The following PIK3CA variants were observed in gnomAD, a reference collection of about 807,000 sequenced individuals.
The protein encoded by PIK3CA is phosphatidylinositol-4,5-bisphosphate 3-kinase catalytic subunit alpha, also known as phosphatidylinositol 4,5-bisphosphate 3-kinase catalytic subunit alpha isoform.
Under a neutral mutation model 138.2 loss-of-function variants are expected in PIK3CA, and 27 were observed. That is an observed-to-expected ratio of 0.20 (90% CI 0.14 to 0.27). The LOEUF is 0.27. PIK3CA is among the 10% of genes least tolerant of loss of function. The pLI is 1.00. For synonymous variants in PIK3CA, 358 were observed against 413.2 expected (o/e 0.87, Z 1.62); for missense variants, 544 against 1,277.4 (o/e 0.43, Z 8.75).
intron 1 of PIK3CA, among the ~76,000 whole-genome samples, chr3:179,152,089 TGTA>T (rs1270087973): frequency 1.3e-5 from 2 of 152,204 alleles, no homozygotes; most frequent in East Asian, 3.8e-4. Flanking sequence ...CTTTAAAACA[TGTA>T]GTGATTCATA....
chr3:179,192,553 C>T (rs1451403081), intron 1 of PIK3CA, among the ~76,000 whole-genome samples: 3 of 152,216 alleles, frequency 2.0e-5, no homozygotes, highest in Admixed American at 6.5e-5. Context: ...CCACTGGGCA[C>T]TTATGCGGTT....
intron 9 of PIK3CA, among the ~76,000 whole-genome samples, chr3:179,217,671 C>T (rs1487536312): frequency 1.3e-5 from 2 of 151,956 alleles, no homozygotes; most frequent in South Asian, 2.1e-4. Context: ...TATTATTTTT[C>T]GTTTTCTAAT....
intron 1 of PIK3CA, among the ~76,000 whole-genome samples, chr3:179,157,733 T>C (rs1723175633): frequency 6.6e-6 from 1 of 152,132 alleles, no homozygotes; most frequent in Non-Finnish European, 1.5e-5. Context: ...ATGGTCGATG[T>C]ACTTAGACTT....
chr3:179,221,226 T>C, intron 14 of PIK3CA, 69 bp downstream of exon 14: 1 of 1,022,090 alleles, frequency 9.8e-7, no homozygotes. Flanking sequence ...AGAAGCCCAG[T>C]GTATATACAG....
chr3:179,198,067 C>T (rs533805367), intron 1 of PIK3CA, among the ~76,000 whole-genome samples: 1 of 152,276 alleles, frequency 6.6e-6, no homozygotes, highest in East Asian at 1.9e-4. Context: ...CATCGTCATA[C>T]TTCAAGGAAA....
chr3:179,226,874 C>T (rs769299503), intron 17 of PIK3CA, among the ~76,000 whole-genome samples: 7 of 152,194 alleles, frequency 4.6e-5, no homozygotes, highest in Non-Finnish European at 5.9e-5. Context: ...ACTCCTGATA[C>T]GTAGCTTAAC....
chr3:179,185,084 C>T (rs1418897288), intron 1 of PIK3CA, among the ~76,000 whole-genome samples: 2 of 152,182 alleles, frequency 1.3e-5, no homozygotes, highest in Non-Finnish European at 2.9e-5. Context: ...AAGTTATCCA[C>T]TCTCACCCAT....
chr3:179,175,187 A>G (rs941620583), intron 1 of PIK3CA, among the ~76,000 whole-genome samples: 1 of 152,156 alleles, frequency 6.6e-6, no homozygotes, highest in Non-Finnish European at 1.5e-5. Context: ...TTGAAGAGAG[A>G]TAACTGGGAG....
rs1418803273 is a variant in PIK3CA, at chr3:179,220,688, T to A, written c.2016-298T>A. Among the ~76,000 whole-genome samples the A allele has an allele frequency of 6.6e-6, 1 of 152,178 alleles. No individual in the cohort carries two copies. The highest frequency in any genetic ancestry group is 2.4e-5 in the African/African-American group (1 of 41,450). On this transcript the variant is annotated intron_variant, in intron 13 of 20. Transcript: ENST00000263967. The surrounding 1 kb of genome is among the most constrained non-coding windows in gnomAD (Gnocchi z 4.1). ...TTTGTTCCCTCCCTCTTCATTTGAT[T>A]ATTTTTGTGCTCAATTTCCTTTTTT...
intron 1 of PIK3CA, among the ~76,000 whole-genome samples, chr3:179,151,217 G>T (rs1158565396): frequency 6.6e-6 from 1 of 152,170 alleles, no homozygotes; most frequent in African/African-American, 2.4e-5. Context: ...CAGTGCCGTA[G>T]ACAGAGTGGT....
At chr3:179,223,093 A>G (rs545563884) in intron 14 of PIK3CA, among the ~76,000 whole-genome samples, 8 of 152,354 alleles carry the variant, frequency 5.3e-5, no homozygotes, top group African/African-American at 1.7e-4. Context: ...TTTTGTTGTA[A>G]CAATGAGTGA....
At chr3:179,231,630 CTTTTT>C (rs144349648) in intron 20 of PIK3CA, among the ~76,000 whole-genome samples, 1 of 50,416 alleles carries the variant, frequency 2.0e-5, no homozygotes, top group Admixed American at 2.5e-4. Context: ...CCTTAGCCCA[CTTTTT>C]TTTTTTTTTT....
At chr3:179,204,685 A>C in intron 6 of PIK3CA, 97 bp downstream of exon 6, 1 of 595,906 alleles carries the variant, frequency 1.7e-6, no homozygotes, top group South Asian at 2.3e-5. Flanking sequence ...AGCCTGGGCA[A>C]CAAAGCAAGA....
intron 1 of PIK3CA, among the ~76,000 whole-genome samples, chr3:179,197,716 T>A (rs1282694468): frequency 6.6e-6 from 1 of 152,226 alleles, no homozygotes; most frequent in African/African-American, 2.4e-5. Flanking sequence ...TGTCTCTAGC[T>A]TAACTTTCAT....
intron 9 of PIK3CA, among the ~76,000 whole-genome samples, chr3:179,215,959 G>T (rs1217713258): frequency 1.3e-5 from 2 of 152,098 alleles, no homozygotes; most frequent in Non-Finnish European, 2.9e-5. Context: ...AGGATGTTTA[G>T]CATCCCTGTC....
chr3:179,226,159 G>A lies in PIK3CA; in HGVS notation c.2495+119G>A, dbSNP rs143486477. 197 of 572,872 alleles carry A rather than the reference G, an allele frequency of 3.4e-4. 2 individuals are homozygous for A. The East Asian group carries it at 5.4e-3, about 16-fold the overall frequency. 35.5% of individuals were successfully genotyped at this position (572,872 alleles called of 1,614,324 possible). ...AAAGAAATGTATGCAGTAATTATCA[G>A]TAGTTGATTACACTATAGTACTTTG... On this transcript the variant is annotated intron_variant, in intron 17 of 20. Coordinates refer to ENST00000263967, the MANE Select transcript of PIK3CA (RefSeq NM_006218.4).
At chr3:179,226,620 A>G (rs1264162487) in intron 17 of PIK3CA, among the ~76,000 whole-genome samples, 3 of 152,112 alleles carry the variant, frequency 2.0e-5, no homozygotes, top group African/African-American at 7.2e-5. Flanking sequence ...CACTCTGTCC[A>G]AAGTATTTTG....
intron 4 of PIK3CA, among the ~76,000 whole-genome samples, chr3:179,201,795 C>CG (rs1356806071): frequency 1.4e-4 from 21 of 151,780 alleles, no homozygotes; most frequent in African/African-American, 4.6e-4. Flanking sequence ...TTAGTAGAGA[C>CG]AGGTTTTGCA....
Position 179,164,963 on chromosome 3 carries a change from A to G in PIK3CA, c.-77+16360A>G, listed in dbSNP as rs532369803. On this transcript the variant is annotated intron_variant, in intron 1 of 20. Coordinates refer to ENST00000263967, the MANE Select transcript of PIK3CA (RefSeq NM_006218.4). Reference sequence around the variant, plus strand: ...TCCAACTGATTACCAAATCTTGGGTATTCTTTCTTAGAAATGTCTCTGGAT... The same window carrying G: ...TCCAACTGATTACCAAATCTTGGGTGTTCTTTCTTAGAAATGTCTCTGGAT... 2.1e-4 allele frequency among the ~76,000 whole-genome samples: 32 copies of G among 152,200 alleles called. No homozygotes were observed. In the South Asian group the frequency reaches 6.6e-3, roughly 32 times the overall value.
Sources: gnomAD v4.1 joint callset for allele counts (sites outside exome capture counted in the v4.1 genomes callset) on GRCh38, gnomAD v4.1.1 for gene constraint, Gnocchi (gnomAD v3.1) non-coding constraint, MANE v1.5 for transcripts, NCBI Gene and HGNC (gene_info 2026-07-23, HGNC 2026-07-21) for gene names.